The following PRKRIP1 variants were observed in gnomAD, a reference collection of about 807,000 sequenced individuals.
PRKRIP1 encodes PRKR-interacting protein 1.
A neutral mutation model predicts 29.3 loss-of-function variants in PRKRIP1; 29 were observed. The ratio of observed to expected loss-of-function variants is 0.99; its 90% CI spans 0.74 to 1.35. The LOEUF (loss-of-function observed/expected upper bound fraction) is 1.35, where lower values mean the gene tolerates loss of function less well. Ranked by LOEUF, PRKRIP1 falls within the 40% of genes most tolerant of loss-of-function variation. PRKRIP1 has a pLI of 0.00. For missense variants in PRKRIP1, 247 were observed against 236.8 expected (o/e 1.04, Z -0.28); for synonymous variants, 90 against 85.1 (o/e 1.06, Z -0.32).
chr7:102,396,392 T>C lies in PRKRIP1; in HGVS notation c.-20T>C. ...TTGCGCGCCGACGCCGCCGCTCGCT[T>C]GTGAAACTGGAAGGCTGCCATGGCT... On this transcript the variant is annotated 5_prime_UTR_variant, in exon 1 of 6. Coordinates refer to ENST00000397912, the MANE Select transcript of PRKRIP1 (RefSeq NM_024653.4). 2 of 1,531,344 alleles carry C rather than the reference T, an allele frequency of 1.3e-6. No individual in the cohort carries two copies. Among genetic ancestry groups the C allele is most frequent in the African/African-American group, 1.4e-5 (1 of 71,044 alleles). The allele number at this position is 1,531,344 out of a possible 1,614,324, so 94.9% of individuals were successfully genotyped here. A position where few individuals can be genotyped will look rare whatever the true frequency, so the allele number is the denominator to read the frequency against.
chr7:102,409,540 C>A (rs1796321987), intron 5 of PRKRIP1, among the ~76,000 whole-genome samples: 1 of 151,906 alleles, frequency 6.6e-6, no homozygotes, highest in Non-Finnish European at 1.5e-5. Flanking sequence ...AGTAAAAAAT[C>A]AGCCAGGCAT....
intron 5 of PRKRIP1, among the ~76,000 whole-genome samples, chr7:102,410,090 C>T (rs1478632155): frequency 2.6e-5 from 4 of 152,094 alleles, no homozygotes; most frequent in Non-Finnish European, 5.9e-5. Flanking sequence ...CCTAGGAGCT[C>T]TGTGTGTGTG....
At chr7:102,419,845 T>TGTGTGTGTG (rs1796645239) in intron 5 of PRKRIP1, among the ~76,000 whole-genome samples, 1 of 142,718 alleles carries the variant, frequency 7.0e-6, no homozygotes, top group African/African-American at 2.7e-5. Flanking sequence ...TTTTGTGTTT[T>TGTGTGTGTG]TGTGTGTGTG....
chr7:102,400,118 C>T (rs1796024454), intron 3 of PRKRIP1, among the ~76,000 whole-genome samples: 1 of 151,634 alleles, frequency 6.6e-6, no homozygotes, highest in African/African-American at 2.4e-5. Flanking sequence ...TGCAGAGTCT[C>T]TACTAAAAAT....
chr7:102,423,120 C>CTTTTT (rs782193171), intron 5 of PRKRIP1: 6 of 384,670 alleles, frequency 1.6e-5, no homozygotes, highest in African/African-American at 1.1e-4. Flanking sequence ...ACCCTATGCT[C>CTTTTT]TTTTTTTTTT....
rs552674495 is a variant in PRKRIP1, at chr7:102,410,082, T to C, written c.457+2584T>C. ...ACCACCGCATCTCCCAGTCTTTGCC[T>C]AGGAGCTCTGTGTGTGTGTTGGAAT... On this transcript the variant is annotated intron_variant, in intron 5 of 5. Coordinates refer to ENST00000397912, the MANE Select transcript of PRKRIP1 (RefSeq NM_024653.4). Among the ~76,000 whole-genome samples, 96 of 152,176 alleles carry C rather than the reference T, an allele frequency of 6.3e-4. 1 individual carries two copies. The highest frequency in any genetic ancestry group is 1.0e-3 in the Non-Finnish European group (68 of 68,032).
intron 5 of PRKRIP1, among the ~76,000 whole-genome samples, chr7:102,424,175 TTGTC>T (rs1554574158): frequency 3.3e-5 from 5 of 152,250 alleles, no homozygotes; most frequent in Non-Finnish European, 7.3e-5. Flanking sequence ...TAGAGGCCCT[TTGTC>T]TGACCTTTGG....
chr7:102,423,869 C>G (rs985653603), intron 5 of PRKRIP1, among the ~76,000 whole-genome samples: 2 of 152,046 alleles, frequency 1.3e-5, no homozygotes, highest in Non-Finnish European at 2.9e-5. Context: ...GCTGTGTTGC[C>G]CAGGCTTGTC....
chr7:102,423,409 C>T (rs1016332296), intron 5 of PRKRIP1: 5 of 313,194 alleles, frequency 1.6e-5, no homozygotes, highest in Middle Eastern at 1.2e-3. Context: ...CCACCGTGCC[C>T]GGCGCCTTAT....
chr7:102,421,085 A>T (rs1477500199), intron 5 of PRKRIP1, among the ~76,000 whole-genome samples: 1 of 152,216 alleles, frequency 6.6e-6, no homozygotes, highest in African/African-American at 2.4e-5. Context: ...TGAAAACATC[A>T]AAAAGGCCTG....
intron 2 of PRKRIP1, 90 bp downstream of exon 2, chr7:102,397,788 CTA>C: frequency 3.3e-6 from 4 of 1,218,484 alleles, no homozygotes; most frequent in Non-Finnish European, 4.7e-6. Flanking sequence ...GCTCATGCCT[CTA>C]ATCCCAGCAC....
intron 4 of PRKRIP1, chr7:102,405,884 A>G: frequency 3.2e-6 from 1 of 312,414 alleles, no homozygotes; most frequent in Non-Finnish European, 6.4e-6. Flanking sequence ...TCTATAACGT[A>G]AAAATCCATG....
At chr7:102,397,061 G>T (rs1554570492) in intron 1 of PRKRIP1, among the ~76,000 whole-genome samples, 1 of 151,954 alleles carries the variant, frequency 6.6e-6, no homozygotes, top group African/African-American at 2.4e-5. Context: ...TTTCTAGCTG[G>T]AAACTATGGC....
At position 102,397,649 on chromosome 7, in the gene PRKRIP1, G is replaced by T; in HGVS notation, c.156G>T (p.Met52Ile). 1 of 1,613,962 alleles carries T rather than the reference G, an allele frequency of 6.2e-7. No homozygotes were observed. ...PDKAVPIPEK[M>I]SEWAPRPPPE... ...AAGCAGTTCCAATTCCAGAGAAAATGAGTGAATGGGCACCTCGACCTCCCC... is the reference window on the plus strand; with the variant it reads ...AAGCAGTTCCAATTCCAGAGAAAATTAGTGAATGGGCACCTCGACCTCCCC... The change falls in exon 2 of 6, where the codon ATG (methionine) becomes ATT (isoleucine). Residue 52 changes from methionine (M) to isoleucine (I), a missense_variant. Physicochemically the swap from Met to Ile is conservative, Grantham distance 10. Around this residue, in one of 3 missense-constraint regions of PRKRIP1, gnomAD observed 105 missense variants for 80.2 expected, o/e 1.31. Transcript: ENST00000397912.
chr7:102,412,210 A>G (rs1796406234), intron 5 of PRKRIP1, among the ~76,000 whole-genome samples: 1 of 152,200 alleles, frequency 6.6e-6, no homozygotes, highest in Non-Finnish European at 1.5e-5. Context: ...CCATGATTGT[A>G]CATGCTTTGT....
At chr7:102,411,012 AACTCCTGGTGG>A (rs1416630470) in intron 5 of PRKRIP1, among the ~76,000 whole-genome samples, 1 of 152,022 alleles carries the variant, frequency 6.6e-6, no homozygotes, top group Non-Finnish European at 1.5e-5. Flanking sequence ...GGCGGCCTTG[AACTCCTGGTGG>A]GCTCAAGCAA....
chr7:102,418,761 T>G (rs1257235681), intron 5 of PRKRIP1, among the ~76,000 whole-genome samples: 1 of 152,192 alleles, frequency 6.6e-6, no homozygotes, highest in East Asian at 1.9e-4. Flanking sequence ...AGCACCATTA[T>G]CAACTAGAGG....
Position 102,404,615 on chromosome 7 carries a change from G to A in PRKRIP1, c.324G>A (p.Glu108=), listed in dbSNP as rs1554571603. Residue 108 remains glutamate, a synonymous_variant, in exon 4 of 6, where the codon GAG becomes GAA. Transcript: ENST00000397912. ...AMAEKQKLDA[E]FQKRLEKNKI... Reference sequence around the variant, plus strand: ...TGTTGCAGCAAAAATTGGATGCAGAGTTTCAGAAAAGACTGGAAAAGAATA... The same window carrying A: ...TGTTGCAGCAAAAATTGGATGCAGAATTTCAGAAAAGACTGGAAAAGAATA... 1 of 1,613,788 alleles carries A rather than the reference G, an allele frequency of 6.2e-7. No individual in the cohort carries two copies. Among genetic ancestry groups the A allele is most frequent in the African/African-American group, 1.3e-5 (1 of 74,926 alleles).
Position 102,425,026 on chromosome 7 carries a change from C to T in PRKRIP1, c.470C>T (p.Pro157Leu), listed in dbSNP as rs377032265. The T allele has an allele frequency of 6.2e-6, 10 of 1,613,322 alleles. No individual in the cohort carries two copies. The highest frequency in any genetic ancestry group is 8.5e-6 in the Non-Finnish European group (10 of 1,179,790). ...CGTGTGGTTACAGGACCCGGTCAGC[C>T]CAAGGAGCAGGGGTCCAGCAGCTCT... ...EQKKQEGPGQ[P>L]KEQGSSSSAE... The change falls in exon 6 of 6, where the codon CCC becomes CTC. Residue 157 changes from proline (P) to leucine (L), a missense_variant. By Grantham distance (98) the Pro-to-Leu change is moderately conservative. Coordinates refer to ENST00000397912, the MANE Select transcript of PRKRIP1 (RefSeq NM_024653.4).
Sources: allele counts gnomAD v4.1 joint callset (sites outside exome capture counted in the v4.1 genomes callset), GRCh38; gene constraint gnomAD v4.1.1; regional missense constraint gnomAD v4.1.1; transcripts MANE v1.5; gene names NCBI Gene and HGNC (gene_info 2026-07-23, HGNC 2026-07-21).